Variants in STAT5A observed in about 807,000 individuals in gnomAD.
STAT5A encodes signal transducer and activator of transcription 5A.
In STAT5A, 26 loss-of-function variants were observed where a neutral mutation model predicts 100.2. That is an observed-to-expected ratio of 0.26 (90% CI 0.19 to 0.36). STAT5A has a LOEUF of 0.36. Among genes scored for constraint, STAT5A ranks in the 10% least tolerant of loss-of-function variants. STAT5A has a pLI of 1.00. For missense variants in STAT5A, 634 were observed against 1,027.5 expected (o/e 0.62, Z 5.24); for synonymous variants, 330 against 424.3 (o/e 0.78, Z 2.73).
chr17:42,295,827 G>A, intron 5 of STAT5A, 34 bp downstream of exon 5: 2 of 1,608,910 alleles, frequency 1.2e-6, no homozygotes, highest in South Asian at 1.1e-5. Flanking sequence ...GCATCCGGAG[G>A]GTGGGAGTGA....
intron 9 of STAT5A, 121 bp downstream of exon 9, chr17:42,301,575 C>T (rs958573311): frequency 1.6e-5 from 23 of 1,430,326 alleles, no homozygotes; most frequent in Admixed American, 2.0e-5. Flanking sequence ...AGGCTGGTCT[C>T]GAACTCCTGG....
chr17:42,306,011 C>A (rs1396261634), intron 12 of STAT5A: 1 of 710,238 alleles, frequency 1.4e-6, no homozygotes, highest in Non-Finnish European at 2.3e-6. Flanking sequence ...TGGTCTGCAT[C>A]TCTGTCCCTG....
intron 3 of STAT5A, among the ~76,000 whole-genome samples, chr17:42,291,568 T>C (rs2080868927): frequency 6.6e-6 from 1 of 152,060 alleles, no homozygotes; most frequent in South Asian, 2.1e-4. Context: ...AATACAAAAT[T>C]AGCCGAGCGT....
At chr17:42,296,485 A>G (rs900435000) in intron 5 of STAT5A, among the ~76,000 whole-genome samples, 1 of 152,154 alleles carries the variant, frequency 6.6e-6, no homozygotes, top group African/African-American at 2.4e-5. Flanking sequence ...ATCTATTAAT[A>G]TGTCCCATTC....
At position 42,304,057 on chromosome 17, in the gene STAT5A, T is replaced by C. The variant is rs2081005391; in HGVS notation, c.1170-285T>C. On this transcript the variant is annotated intron_variant, in intron 9 of 18. Coordinates refer to ENST00000590949, the MANE Select transcript of STAT5A (RefSeq NM_001288718.2). This position sits in a 1 kb window ranked among gnomAD's most constrained non-coding sequence, Gnocchi z 4.8. The stretch of plus-strand genomic sequence containing the variant: ...GTTGTGATTTTTATCTTAAGTGCAT[T>C]AGAAGCTATTGGAAGTCCCCAAAGC... 2.3e-6 allele frequency: 1 copy of C among 438,500 alleles called. No homozygotes were observed. Among genetic ancestry groups the C allele is most frequent in the African/African-American group, 1.9e-5 (1 of 51,388 alleles). 27.2% of individuals were successfully genotyped at this position (438,500 alleles called of 1,614,324 possible). A position where few individuals can be genotyped will look rare whatever the true frequency, so the allele number is the denominator to read the frequency against.
In STAT5A at chr17:42,309,176, G is replaced by T. The variant is rs370220029; in HGVS notation, c.2114+78G>T. Reference sequence around the variant, plus strand: ...GACCCTGCCTCCCATCCTGATCCTGGGCCCAGCTTTCCGCTCCCCCAGGGA... The same window carrying T: ...GACCCTGCCTCCCATCCTGATCCTGTGCCCAGCTTTCCGCTCCCCCAGGGA... On this transcript the variant is annotated intron_variant, in intron 17 of 18. Coordinates refer to ENST00000590949, the MANE Select transcript of STAT5A (RefSeq NM_001288718.2). 6 of 1,611,092 alleles carry T rather than the reference G, an allele frequency of 3.7e-6. No individual in the cohort carries two copies. The East Asian group carries it at 1.3e-4, about 36-fold the overall frequency.
rs1177396369 is a variant in STAT5A at position 42,310,668 on chromosome 17, G to A, written c.2384G>A (p.Ter795=). Residue 795 remains the stop codon, a stop_retained_variant, in exon 19 of 19, where the codon TGA becomes TAA. Transcript: ENST00000590949. ...ACCTCTGCCAGAGGCTCCCTCTCATGAATGTTTGAATCCCACGCTTCTCTT... is the reference window on the plus strand; with the variant it reads ...ACCTCTGCCAGAGGCTCCCTCTCATAAATGTTTGAATCCCACGCTTCTCTT... The part of the protein sequence containing the change: ...LFTSARGSLS[*] 2 of 1,613,982 alleles carry A rather than the reference G, an allele frequency of 1.2e-6. No homozygotes were observed. Among genetic ancestry groups the A allele is most frequent in the African/African-American group, 2.7e-5 (2 of 74,920 alleles).
In STAT5A at chr17:42,295,648, C is replaced by T. The variant is rs760816578; in HGVS notation, c.405C>T (p.Asp135=). The T allele has an allele frequency of 3.5e-5, 56 of 1,613,672 alleles. No homozygotes were observed. The South Asian group carries it at 5.3e-4, about 15-fold the overall frequency. Residue 135 remains aspartate (D), a synonymous_variant, in exon 5 of 19, where the codon GAC becomes GAT. Transcript: ENST00000590949. ...NCSSPAGILV[D]AMSQKHLQIN... ...GCTCTCCGGCTGGGATCCTGGTTGA[C>T]GCCATGTCCCAGAAGCACCTTCAGA...
Position 42,309,451 on chromosome 17 carries a change from G to T in STAT5A, c.2189G>T (p.Cys730Phe). The stretch of plus-strand genomic sequence containing the variant: ...GACCAGGCCCCCTCCCCAGCTGTGT[G>T]CCCCCAGGCTCCCTATAACATGTAC... ...YMDQAPSPAVCPQAPYNMYPQ... is the reference protein window; with the variant it reads ...YMDQAPSPAVFPQAPYNMYPQ... The change falls in exon 18 of 19, where the codon TGC becomes TTC. Residue 730 changes from cysteine (C) to phenylalanine (F), a missense_variant. Coordinates refer to ENST00000590949, the MANE Select transcript of STAT5A (RefSeq NM_001288718.2). 3 of 1,613,964 alleles carry T rather than the reference G, an allele frequency of 1.9e-6. No homozygotes were observed. The highest frequency in any genetic ancestry group is 2.5e-6 in the Non-Finnish European group (3 of 1,179,976).
At position 42,288,598 on chromosome 17, in the gene STAT5A, G is replaced by C. The variant is rs1048091894; in HGVS notation, c.-11G>C. The C allele has an allele frequency of 2.6e-5, 4 of 152,192 alleles. No homozygotes were observed. Among genetic ancestry groups the C allele is most frequent in the Admixed American group, 2.0e-4 (3 of 15,272 alleles). The allele number at this position is 152,192 out of a possible 1,614,324, so 9.4% of individuals were successfully genotyped here. A position where few individuals can be genotyped will look rare whatever the true frequency, so the allele number is the denominator to read the frequency against. ...GCTGCCGGACGGTGCGGCCCCACCAGGTGGGTGACCCGGTGGCGCGTCCTC... is the reference window on the plus strand; with the variant it reads ...GCTGCCGGACGGTGCGGCCCCACCACGTGGGTGACCCGGTGGCGCGTCCTC... On this transcript the variant is annotated splice_region_variant and 5_prime_UTR_variant, in exon 1 of 19. Transcript: ENST00000590949. The surrounding 1 kb of genome is among the most constrained non-coding windows in gnomAD (Gnocchi z 4.8).
At chr17:42,288,145 G>A (rs1162917723), upstream of STAT5A, 1 of 152,250 alleles carries the variant, frequency 6.6e-6, no homozygotes, top group East Asian at 1.9e-4. This position sits in a 1 kb window ranked among gnomAD's most constrained non-coding sequence, Gnocchi z 4.8. Context: ...AGAAAACTGA[G>A]GCCCAGGTTT....
chr17:42,289,173 C>T (rs182821049), intron 1 of STAT5A: 1 of 425,052 alleles, frequency 2.4e-6, no homozygotes, highest in East Asian at 3.7e-5. Flanking sequence ...GGGAGGGCAC[C>T]TGCCTCTGCA....
Position 42,289,892 on chromosome 17 carries a change from A to G in STAT5A, c.155A>G (p.Gln52Arg). 1.3e-6 allele frequency: 2 copies of G among 1,585,632 alleles called. No individual in the cohort carries two copies. The highest frequency in any genetic ancestry group is 1.7e-6 in the Non-Finnish European group (2 of 1,165,456). The change falls in exon 3 of 19, where the codon CAG becomes CGG. Residue 52 changes from glutamine to arginine, a missense_variant. Gln to Arg is a conservative substitution (Grantham distance 43). This residue lies in a region of STAT5A where 207 missense variants were observed against 256.6 expected (regional missense o/e 0.81). Coordinates refer to ENST00000590949, the MANE Select transcript of STAT5A (RefSeq NM_001288718.2). ...PWDAIDLDNP[Q>R]DRAQATQLLE... Reference sequence around the variant, plus strand: ...GATGCCATTGACTTGGACAATCCCCAGGACAGAGCCCAAGCCACCCAGCTC... The same window carrying G: ...GATGCCATTGACTTGGACAATCCCCGGGACAGAGCCCAAGCCACCCAGCTC...
intron 8 of STAT5A, 67 bp from the exon 9 acceptor site, chr17:42,301,208 G>A (rs2080974996): frequency 6.4e-7 from 1 of 1,573,598 alleles, no homozygotes; most frequent in African/African-American, 1.3e-5. Flanking sequence ...CCCCACCACA[G>A]AGGGACTGAG....
chr17:42,288,962 C>G lies in STAT5A; in HGVS notation c.-11+364C>G, dbSNP rs2080840904. On this transcript the variant is annotated intron_variant, in intron 1 of 18. Coordinates refer to ENST00000590949, the MANE Select transcript of STAT5A (RefSeq NM_001288718.2). The surrounding 1 kb of genome is among the most constrained non-coding windows in gnomAD (Gnocchi z 4.8). ...CACGTGCCCGAAAAGCCCTAGCCGT[C>G]GAGTGGGAGCCGTCGTGGCGCTGGC... is the stretch of plus-strand genomic sequence containing the variant. 6.6e-6 allele frequency among the ~76,000 whole-genome samples: 1 copy of G among 152,238 alleles called. No homozygotes were observed. The highest frequency in any genetic ancestry group is 1.5e-5 in the Non-Finnish European group (1 of 68,038).
Position 42,305,775 on chromosome 17 carries a change from G to A in STAT5A, c.1473+73G>A, listed in dbSNP as rs2081022766. On this transcript the variant is annotated intron_variant, in intron 12 of 18. Coordinates refer to ENST00000590949, the MANE Select transcript of STAT5A (RefSeq NM_001288718.2). Reference sequence around the variant, plus strand: ...TCACCTGGGGTCAGCCCCACCCCTTGGGCCCCTGCTGAGTGGTCCTTCCTC... The same window carrying A: ...TCACCTGGGGTCAGCCCCACCCCTTAGGCCCCTGCTGAGTGGTCCTTCCTC... 3 of 1,510,702 alleles carry A rather than the reference G, an allele frequency of 2.0e-6. No homozygotes were observed. In the Admixed American group the frequency reaches 5.3e-5, roughly 27 times the overall value. The allele number at this position is 1,510,702 out of a possible 1,614,324, so 93.6% of individuals were successfully genotyped here.
intron 4 of STAT5A, 126 bp from the exon 5 acceptor site, chr17:42,295,493 C>T (rs2080909738): frequency 4.1e-6 from 4 of 966,158 alleles, no homozygotes; most frequent in Non-Finnish European, 6.1e-6. Context: ...CCTTCTTGCC[C>T]TAGTTTCCCT....
intron 1 of STAT5A, 70 bp from the exon 2 acceptor site, chr17:42,289,332 C>G: frequency 6.9e-7 from 1 of 1,450,762 alleles, no homozygotes; most frequent in Middle Eastern, 2.4e-4. Flanking sequence ...GTAGGCATGG[C>G]AAGGCCAGGG....
chr17:42,305,533 C>T, intron 11 of STAT5A, 77 bp from the exon 12 acceptor site: 3 of 1,158,562 alleles, frequency 2.6e-6, no homozygotes, highest in East Asian at 4.8e-5. Flanking sequence ...AAAAATAAAG[C>T]AGATTGGGCA....
Sources: gnomAD v4.1 joint callset for allele counts (sites outside exome capture counted in the v4.1 genomes callset) on GRCh38, gnomAD v4.1.1 for gene constraint, gnomAD v4.1.1 regional missense constraint, Gnocchi (gnomAD v3.1) non-coding constraint, MANE v1.5 for transcripts, NCBI Gene and HGNC (gene_info 2026-07-23, HGNC 2026-07-21) for gene names.